The following CSMD1 variants were observed in gnomAD, a reference collection of about 807,000 sequenced individuals.
The protein encoded by CSMD1 is CUB and sushi domain-containing protein 1.
Under a neutral mutation model 417.5 loss-of-function variants are expected in CSMD1, and 213 were observed. The ratio of observed to expected loss-of-function variants is 0.51; its 90% CI spans 0.46 to 0.57. The LOEUF (loss-of-function observed/expected upper bound fraction) is 0.57. Among genes scored for constraint, CSMD1 ranks in the 20% least tolerant of loss-of-function variants. The pLI is 0.00. For synonymous variants in CSMD1, 2,862 were observed against 1,736.8 expected, an observed-to-expected ratio of 1.65 and a Z score of -16.11; for missense variants, 6,923 against 4,529.7, an observed-to-expected ratio of 1.53 and a Z score of -15.17.
At position 4,113,953 on chromosome 8, in the gene CSMD1, T is replaced by C. The variant is rs544740186; in HGVS notation, c.416-81854A>G. ...ATAAGATTTAAGAAAAGAAGCCATC[T>C]CCATAATATAAAAGTTCCAGGTGAA... On this transcript the variant is annotated intron_variant, in intron 3 of 69. Transcript: ENST00000635120. Among the ~76,000 whole-genome samples, 31 of 152,302 alleles carry C rather than the reference T, an allele frequency of 2.0e-4. No homozygotes were observed. The East Asian group carries it at 5.8e-3, about 28-fold the overall frequency.
chr8:3,161,624 G>GAAAAAAA (rs10644122), intron 38 of CSMD1, among the ~76,000 whole-genome samples: 1 of 58,280 alleles, frequency 1.7e-5, no homozygotes. Flanking sequence ...CTCCCTCTCA[G>GAAAAAAA]AAAAAAAAAA....
intron 11 of CSMD1, among the ~76,000 whole-genome samples, chr8:3,473,026 G>C (rs764493913): frequency 6.6e-6 from 1 of 151,832 alleles, no homozygotes; most frequent in Non-Finnish European, 1.5e-5. Context: ...CCTGGTTCTG[G>C]CATTTCATCT....
chr8:4,115,116 G>A (rs1391835054), intron 3 of CSMD1, among the ~76,000 whole-genome samples: 1 of 152,062 alleles, frequency 6.6e-6, no homozygotes, highest in East Asian at 1.9e-4. Context: ...AATCTTTCAT[G>A]AAAAAAAGTC....
chr8:4,930,648 C>A (rs773718489), intron 1 of CSMD1, among the ~76,000 whole-genome samples: 7 of 152,114 alleles, frequency 4.6e-5, no homozygotes, highest in African/African-American at 1.2e-4. Flanking sequence ...CCTACCAAAC[C>A]CAGAAACATT....
chr8:4,161,993 C>T (rs1323250740), intron 3 of CSMD1, among the ~76,000 whole-genome samples: 2 of 152,122 alleles, frequency 1.3e-5, no homozygotes, highest in African/African-American at 4.8e-5. Context: ...TGGCATTGTG[C>T]CTTTGACTAA....
At chr8:3,247,856 C>A (rs1161465953) in intron 26 of CSMD1, among the ~76,000 whole-genome samples, 1 of 152,180 alleles carries the variant, frequency 6.6e-6, no homozygotes, top group Non-Finnish European at 1.5e-5. Flanking sequence ...GTCAATAATT[C>A]ACAAGGGGGG....
chr8:3,229,812 A>G (rs904124882), intron 27 of CSMD1, among the ~76,000 whole-genome samples: 12 of 152,306 alleles, frequency 7.9e-5, no homozygotes, highest in South Asian at 2.1e-4. Context: ...TAGGAAATAT[A>G]CGGTAAATGT....
chr8:4,540,555 A>C (rs1797330854), intron 2 of CSMD1, among the ~76,000 whole-genome samples: 1 of 152,114 alleles, frequency 6.6e-6, no homozygotes, highest in African/African-American at 2.4e-5. Flanking sequence ...AATGGATGGG[A>C]AAGAAATGAA....
intron 18 of CSMD1, among the ~76,000 whole-genome samples, chr8:3,378,506 G>T (rs752271164): frequency 8.5e-5 from 13 of 152,078 alleles, no homozygotes; most frequent in African/African-American, 2.7e-4. Flanking sequence ...TCCATAAAAT[G>T]CTGGCAAACC....
At position 2,974,554 on chromosome 8, in the gene CSMD1, G is replaced by C; in HGVS notation, c.8637C>G (p.Ala2879=). ...VLTGELFTYG[A]VVHYSCRGSE... ...TCCCTCTGCAGGAGTAGTGCACGAC[G>C]GCGCCATAGGTAAACAGCTCTCCAG... Residue 2879 remains alanine (A), a synonymous_variant, in exon 56 of 70, where the codon GCC becomes GCG. Coordinates refer to ENST00000635120, the MANE Select transcript of CSMD1 (RefSeq NM_033225.6). 1.9e-6 allele frequency: 3 copies of C among 1,613,186 alleles called. No individual in the cohort carries two copies. The highest frequency in any genetic ancestry group is 2.5e-6 in the Non-Finnish European group (3 of 1,179,554).
intron 7 of CSMD1, among the ~76,000 whole-genome samples, chr8:3,686,204 A>G (rs1236425537): frequency 6.6e-6 from 1 of 152,186 alleles, no homozygotes; most frequent in African/African-American, 2.4e-5. Flanking sequence ...CTGTGAAGTT[A>G]GAGTGTGGGT....
Position 3,998,553 on chromosome 8 carries a change from T to A in CSMD1, c.611-443A>T, listed in dbSNP as rs1815406080. On this transcript the variant is annotated intron_variant, in intron 4 of 69. Transcript: ENST00000635120. ...TTAAAAGAAATGGTTGTCTTAAATT[T>A]ATTTTCCATAAATTTGGGATTAATT... is the stretch of plus-strand genomic sequence containing the variant. Among the ~76,000 whole-genome samples, 4 of 152,344 alleles carry A rather than the reference T, an allele frequency of 2.6e-5. No individual in the cohort carries two copies. The South Asian group carries it at 8.3e-4, about 32-fold the overall frequency.
chr8:3,214,600 G>A lies in CSMD1; in HGVS notation c.4764C>T (p.Tyr1588=), dbSNP rs1258606725. 1 of 1,566,794 alleles carries A rather than the reference G, an allele frequency of 6.4e-7. No homozygotes were observed. Among genetic ancestry groups the A allele is most frequent in the Non-Finnish European group, 8.7e-7 (1 of 1,154,996 alleles). ...TDFKLGSTIT[Y]QCDSGYKILD... ...GAATCTTATAGCCAGAGTCACACTGGTAGGTGATGGTGGAGCCAAGCTTGA... is the reference window on the plus strand; with the variant it reads ...GAATCTTATAGCCAGAGTCACACTGATAGGTGATGGTGGAGCCAAGCTTGA... The change falls in exon 30 of 70, where the codon TAC becomes TAT. Residue 1588 remains tyrosine (Y), a synonymous_variant. Transcript: ENST00000635120.
At chr8:4,072,082 T>G (rs894493849) in intron 3 of CSMD1, among the ~76,000 whole-genome samples, 5 of 152,198 alleles carry the variant, frequency 3.3e-5, no homozygotes, top group African/African-American at 1.2e-4. Flanking sequence ...CTGACATGCT[T>G]GACCTGAAAA....
chr8:4,117,011 T>A (rs947249787), intron 3 of CSMD1, among the ~76,000 whole-genome samples: 1 of 151,862 alleles, frequency 6.6e-6, no homozygotes, highest in African/African-American at 2.4e-5. Context: ...GGCCTGACGC[T>A]TAACCTTTTT....
chr8:3,363,585 T>A (rs948712170), intron 20 of CSMD1, among the ~76,000 whole-genome samples: 1 of 152,090 alleles, frequency 6.6e-6, no homozygotes, highest in Non-Finnish European at 1.5e-5. Context: ...TGGAGTGCAG[T>A]GGCGCGATCT....
intron 12 of CSMD1, among the ~76,000 whole-genome samples, chr8:3,452,840 T>A (rs956718863): frequency 1.3e-5 from 2 of 152,202 alleles, no homozygotes; most frequent in African/African-American, 4.8e-5. Flanking sequence ...ATAAAATGAG[T>A]TAGGGAGGAT....
intron 2 of CSMD1, among the ~76,000 whole-genome samples, chr8:4,494,332 G>A (rs575404839): frequency 1.3e-5 from 2 of 152,218 alleles, no homozygotes; most frequent in East Asian, 1.9e-4. Context: ...CATGGCCATG[G>A]TAAATTGCAA....
chr8:3,308,396 C>G lies in CSMD1; in HGVS notation c.3739G>C (p.Gly1247Arg). 6.2e-7 allele frequency: 1 copy of G among 1,613,804 alleles called. No individual in the cohort carries two copies. The highest frequency in any genetic ancestry group is 8.5e-7 in the Non-Finnish European group (1 of 1,179,826). ...DTVVLYSCNP[G>R]YAMHGSNTLT... is the part of the protein sequence containing the mutation. ...GTGTTGCTGCCATGCATGGCGTACC[C>G]CGGGTTGCAACTGTACAGAACTACA... is the stretch of plus-strand genomic sequence containing the variant. The change falls in exon 24 of 70, where the codon GGG becomes CGG. Residue 1247 changes from glycine to arginine, a missense_variant. Gly to Arg is a moderately radical substitution (Grantham distance 125). Coordinates refer to ENST00000635120, the MANE Select transcript of CSMD1 (RefSeq NM_033225.6).
Sources: gnomAD v4.1 joint callset for allele counts (sites outside exome capture counted in the v4.1 genomes callset) on GRCh38, gnomAD v4.1.1 for gene constraint, MANE v1.5 for transcripts, NCBI Gene and HGNC (gene_info 2026-07-23, HGNC 2026-07-21) for gene names.